ETNK1: variants seen among roughly 807,000 people sequenced by gnomAD.
The protein encoded by ETNK1 is putative protein product of Nbla10396.
ETNK1 carries 8 observed loss-of-function variants against 45.1 expected under a neutral mutation model. The observed-to-expected ratio is 0.18, with a 90% CI of 0.10 to 0.32. ETNK1 has a LOEUF of 0.32. Among genes scored for constraint, ETNK1 ranks in the 10% least tolerant of loss-of-function variants. The probability of loss-of-function intolerance (pLI) is 1.00; values close to 1 mark genes in which losing one functional copy is unlikely to be tolerated. For synonymous variants in ETNK1, 152 were observed against 151.9 expected (o/e 1.00, Z -0.01); for missense variants, 302 against 430.6 (o/e 0.70, Z 2.64).
At chr12:22,679,181 G>A (rs1954189595) in intron 6 of ETNK1, among the ~76,000 whole-genome samples, 1 of 152,204 alleles carries the variant, frequency 6.6e-6, no homozygotes, top group Non-Finnish European at 1.5e-5. Context: ...CGCAGTACAA[G>A]TTTGAAAGTC....
At chr12:22,629,606 A>C (rs1953549527) in intron 1 of ETNK1, among the ~76,000 whole-genome samples, 1 of 152,130 alleles carries the variant, frequency 6.6e-6, no homozygotes, top group Non-Finnish European at 1.5e-5. Flanking sequence ...GTGTTAAGTT[A>C]TGTCTCCACT....
chr12:22,633,350 C>T, intron 1 of ETNK1, among the ~76,000 whole-genome samples: 1 of 152,160 alleles, frequency 6.6e-6, no homozygotes, highest in Admixed American at 6.5e-5. Context: ...ATTACAGGCG[C>T]AAGCCACCGC....
intron 6 of ETNK1, among the ~76,000 whole-genome samples, chr12:22,675,768 TAATA>T (rs1481309169): frequency 1.3e-5 from 2 of 152,198 alleles, no homozygotes; most frequent in East Asian, 1.9e-4. Context: ...ACAGATATAT[TAATA>T]AATGTCATAC....
chr12:22,630,404 T>C (rs192802125), intron 1 of ETNK1, among the ~76,000 whole-genome samples: 72 of 152,226 alleles, frequency 4.7e-4, no homozygotes, highest in Non-Finnish European at 8.2e-4. Flanking sequence ...AAGGTAGGCA[T>C]AGAAGAACGT....
intron 2 of ETNK1, 42 bp downstream of exon 2, chr12:22,644,064 C>T (rs1392308806): frequency 6.5e-7 from 1 of 1,528,002 alleles, no homozygotes; most frequent in Admixed American, 2.0e-5. Flanking sequence ...AAAAATAGGG[C>T]ATTTAAGTGC....
intron 5 of ETNK1, among the ~76,000 whole-genome samples, chr12:22,671,794 G>A (rs1031660362): frequency 5.5e-5 from 8 of 146,120 alleles, no homozygotes; most frequent in African/African-American, 1.6e-4. Context: ...AGCCGAGATC[G>A]CGCTACTGCA....
Position 22,690,354 on chromosome 12 carries a change from T to C in ETNK1, c.*5400T>C, listed in dbSNP as rs1036658726. On this transcript the variant is annotated 3_prime_UTR_variant, in exon 8 of 8. Coordinates refer to ENST00000266517, the MANE Select transcript of ETNK1 (RefSeq NM_018638.5). Reference sequence around the variant, plus strand: ...TGTTTCATATTTTCATGTTCAAAATTTAAGTTTTACATTTTTACTACTGTT... The same window carrying C: ...TGTTTCATATTTTCATGTTCAAAATCTAAGTTTTACATTTTTACTACTGTT... 1 of 152,556 alleles carries C rather than the reference T, an allele frequency of 6.6e-6. No homozygotes were observed. The highest frequency in any genetic ancestry group is 1.5e-5 in the Non-Finnish European group (1 of 67,948). The allele number at this position is 152,556 out of a possible 1,614,324, so 9.5% of individuals were successfully genotyped here.
At chr12:22,672,956 TTG>T (rs1201618817) in intron 5 of ETNK1, among the ~76,000 whole-genome samples, 2 of 152,196 alleles carry the variant, frequency 1.3e-5, no homozygotes, top group African/African-American at 4.8e-5. Flanking sequence ...GAAAATGTTG[TTG>T]GGATAAATAC....
At chr12:22,672,736 A>G (rs1012129317) in intron 5 of ETNK1, among the ~76,000 whole-genome samples, 14 of 152,248 alleles carry the variant, frequency 9.2e-5, no homozygotes, top group African/African-American at 3.4e-4. Flanking sequence ...TTACTTTTAT[A>G]GGATATAGAA....
chr12:22,684,813 G>A (rs773769989), intron 7 of ETNK1, 69 bp from the exon 8 acceptor site: 43 of 1,266,088 alleles, frequency 3.4e-5, no homozygotes, highest in Non-Finnish European at 4.0e-5. Context: ...AGAGGACTGA[G>A]TGAAAATAAG....
At chr12:22,661,648 C>T (rs1954000248) in intron 4 of ETNK1, among the ~76,000 whole-genome samples, 2 of 152,076 alleles carry the variant, frequency 1.3e-5, no homozygotes, top group African/African-American at 2.4e-5. Flanking sequence ...AATGTGTCTC[C>T]AGGTTTCTCA....
intron 4 of ETNK1, among the ~76,000 whole-genome samples, chr12:22,668,109 CA>C (rs1449008280): frequency 2.6e-5 from 4 of 152,116 alleles, no homozygotes; most frequent in Admixed American, 1.3e-4. Flanking sequence ...TTTTAAAGGT[CA>C]GGGGTCCCTT....
At chr12:22,626,061 A>AC (rs1472215952) in intron 1 of ETNK1, 8 of 351,050 alleles carry the variant, frequency 2.3e-5, no homozygotes, top group Non-Finnish European at 5.6e-6. Flanking sequence ...GTCTTCCCAA[A>AC]CCCTAGCGTA....
chr12:22,687,666 G>T lies in ETNK1; in HGVS notation c.*2712G>T, dbSNP rs936977508. The T allele has an allele frequency of 6.6e-6, 1 of 152,070 alleles. No homozygotes were observed. The highest frequency in any genetic ancestry group is 1.5e-5 in the Non-Finnish European group (1 of 67,758). The allele number at this position is 152,070 out of a possible 1,614,324, so 9.4% of individuals were successfully genotyped here. A position where few individuals can be genotyped will look rare whatever the true frequency, so the allele number is the denominator to read the frequency against. Reference sequence around the variant, plus strand: ...TGGTAGTAAATCATACAGTACACACGATCATCTGAGATCAATATGAGCACA... The same window carrying T: ...TGGTAGTAAATCATACAGTACACACTATCATCTGAGATCAATATGAGCACA... On this transcript the variant is annotated 3_prime_UTR_variant, in exon 8 of 8. Coordinates refer to ENST00000266517, the MANE Select transcript of ETNK1 (RefSeq NM_018638.5).
At chr12:22,639,447 C>A (rs528596066) in intron 1 of ETNK1, among the ~76,000 whole-genome samples, 1 of 152,074 alleles carries the variant, frequency 6.6e-6, no homozygotes, top group Admixed American at 6.6e-5. Flanking sequence ...GAGGCCGAGG[C>A]GGGTGGATCA....
chr12:22,673,705 T>G, intron 6 of ETNK1, 45 bp downstream of exon 6: 1 of 1,502,242 alleles, frequency 6.7e-7, no homozygotes, highest in Admixed American at 2.1e-5. Context: ...TTACTGTAAT[T>G]GAAAATGCTT....
chr12:22,627,112 A>G (rs546826517), intron 1 of ETNK1, among the ~76,000 whole-genome samples: 22 of 152,228 alleles, frequency 1.4e-4, no homozygotes, highest in African/African-American at 4.8e-4. Flanking sequence ...ATTTGTCTGT[A>G]GAATAGTAAT....
rs73082509 is a variant in ETNK1, at chr12:22,688,426, A to C, written c.*3472A>C. On this transcript the variant is annotated 3_prime_UTR_variant, in exon 8 of 8. Coordinates refer to ENST00000266517, the MANE Select transcript of ETNK1 (RefSeq NM_018638.5). ...AAGAAAAAAAGTTTCCCCCACTCTC[A>C]ATTAAAAGTTAGAACCCTCCACTTT... The C allele has an allele frequency of 0.07, 10,605 of 151,884 alleles. 515 individuals are homozygous for C. Among genetic ancestry groups the C allele is most frequent in the South Asian group, 0.14 (681 of 4,820 alleles). The allele number at this position is 151,884 out of a possible 1,614,324, so 9.4% of individuals were successfully genotyped here. A position where few individuals can be genotyped will look rare whatever the true frequency, so the allele number is the denominator to read the frequency against.
chr12:22,638,829 T>G (rs1396350654), intron 1 of ETNK1: 2 of 152,186 alleles, frequency 1.3e-5, no homozygotes, highest in Non-Finnish European at 2.9e-5. Flanking sequence ...GCTTCATTTT[T>G]TAACCCCTTT....
Sources: gnomAD v4.1 joint callset for allele counts (sites outside exome capture counted in the v4.1 genomes callset) on GRCh38, gnomAD v4.1.1 for gene constraint, MANE v1.5 for transcripts, NCBI Gene and HGNC (gene_info 2026-07-23, HGNC 2026-07-21) for gene names.